RABGEF1: variants seen among roughly 807,000 people sequenced by gnomAD.
RABGEF1 encodes the protein RAB guanine nucleotide exchange factor 1.
A neutral mutation model predicts 57.3 loss-of-function variants in RABGEF1; 26 were observed. That is an observed-to-expected ratio of 0.45 (90% CI 0.33 to 0.63). RABGEF1 has a LOEUF of 0.63. Ranked by LOEUF, RABGEF1 falls within the 20% of genes least tolerant of loss-of-function variation. RABGEF1 has a pLI of 0.02. For synonymous variants in RABGEF1, 185 were observed against 210.7 expected (o/e 0.88, Z 1.06); for missense variants, 464 against 607.6 (o/e 0.76, Z 2.48).
At chr7:66,665,251 CCT>C in the RABGEF1 span, 1 of 152,286 alleles carries the variant, frequency 6.6e-6, no homozygotes, top group East Asian at 1.9e-4. Flanking sequence ...CTCAAGCAAT[CCT>C]CTCACCTCAG....
At chr7:66,806,038 C>G (rs753253950) in intron 8 of RABGEF1, among the ~76,000 whole-genome samples, 3 of 152,056 alleles carry the variant, frequency 2.0e-5, no homozygotes, top group Non-Finnish European at 2.9e-5. Flanking sequence ...AGCCACCACT[C>G]CTGACCTGAA....
At chr7:66,664,015 AGTGAGC>A in the RABGEF1 span, among the ~76,000 whole-genome samples, 1 of 149,358 alleles carries the variant, frequency 6.7e-6, no homozygotes, top group Non-Finnish European at 1.5e-5. Flanking sequence ...TGGAGGTTGC[AGTGAGC>A]CAAGATTGTG....
At chr7:66,722,112 G>C (rs1796117708) in intron 2 of RABGEF1, among the ~76,000 whole-genome samples, 1 of 152,082 alleles carries the variant, frequency 6.6e-6, no homozygotes, top group African/African-American at 2.4e-5. Flanking sequence ...AGCCATGATT[G>C]TTTCACTGCA....
At chr7:66,759,353 C>T (rs1210839866) in intron 1 of RABGEF1, among the ~76,000 whole-genome samples, 1 of 152,200 alleles carries the variant, frequency 6.6e-6, no homozygotes, top group African/African-American at 2.4e-5. Context: ...CGTCTTCTCC[C>T]AGCAGAGTTG....
intron 1 of RABGEF1, chr7:66,748,830 T>C (rs920906336): frequency 5.6e-5 from 11 of 194,828 alleles, no homozygotes; most frequent in Non-Finnish European, 1.2e-4. Flanking sequence ...ATTCGAACTT[T>C]CTGATTAGAC....
chr7:66,683,420 A>T (rs963140890), intron 1 of RABGEF1, among the ~76,000 whole-genome samples: 27 of 152,340 alleles, frequency 1.8e-4, no homozygotes, highest in African/African-American at 6.5e-4. Flanking sequence ...AAGATTAAGA[A>T]ATGTTCAGGA....
intron 5 of RABGEF1, among the ~76,000 whole-genome samples, 169 bp from the exon 6 acceptor site, chr7:66,797,205 G>A (rs1786159050): frequency 6.6e-6 from 1 of 151,278 alleles, no homozygotes; most frequent in African/African-American, 2.4e-5. Flanking sequence ...TTGGGAGGCT[G>A]AGGTAGGAGA....
At chr7:66,772,227 C>T (rs1427322249) in intron 2 of RABGEF1, 149 bp downstream of exon 2, 1 of 552,156 alleles carries the variant, frequency 1.8e-6, no homozygotes, top group Non-Finnish European at 2.9e-6. Context: ...CTCTTCTTCT[C>T]AGTCAGCTTT....
intron 1 of RABGEF1, among the ~76,000 whole-genome samples, chr7:66,741,668 C>G (rs749229566): frequency 6.6e-6 from 1 of 152,236 alleles, no homozygotes; most frequent in East Asian, 1.9e-4. Context: ...GAGCTGCTTT[C>G]CCCCCTCTAA....
At chr7:66,793,811 CT>C (rs1199923660) in intron 4 of RABGEF1, among the ~76,000 whole-genome samples, 1 of 152,178 alleles carries the variant, frequency 6.6e-6, no homozygotes, top group East Asian at 1.9e-4. Flanking sequence ...TCCTGCCATC[CT>C]TTTAGAGTTA....
chr7:66,731,698 C>CA (rs781092514), intron 2 of RABGEF1, among the ~76,000 whole-genome samples: 27 of 152,274 alleles, frequency 1.8e-4, no homozygotes, highest in Non-Finnish European at 2.9e-4. Flanking sequence ...GCCTGGGTGA[C>CA]AGAGAGCGAG....
intron 1 of RABGEF1, among the ~76,000 whole-genome samples, chr7:66,744,594 G>C (rs924740973): frequency 3.3e-5 from 5 of 151,108 alleles, no homozygotes; most frequent in African/African-American, 1.2e-4. Flanking sequence ...CGTGAACCTG[G>C]GAGGTGGAAC....
intron 2 of RABGEF1, among the ~76,000 whole-genome samples, chr7:66,714,437 T>C (rs1413001166): frequency 6.6e-6 from 1 of 152,212 alleles, no homozygotes; most frequent in South Asian, 2.1e-4. Context: ...ATATTGATAA[T>C]TTATGTCTCG....
chr7:66,730,029 A>G (rs1226776925), intron 2 of RABGEF1, among the ~76,000 whole-genome samples: 5 of 152,240 alleles, frequency 3.3e-5, no homozygotes, highest in Admixed American at 3.3e-4. Flanking sequence ...GAAGAGCTGA[A>G]AGCAAAATCA....
upstream of RABGEF1, among the ~76,000 whole-genome samples, chr7:66,738,341 A>AC (rs2129044170): frequency 6.6e-6 from 1 of 151,930 alleles, no homozygotes; most frequent in Non-Finnish European, 1.5e-5. Context: ...CTTAACCTTC[A>AC]CAAAGAAACT....
chr7:66,808,435 C>T (rs919834045), intron 8 of RABGEF1, among the ~76,000 whole-genome samples: 1 of 152,050 alleles, frequency 6.6e-6, no homozygotes, highest in Non-Finnish European at 1.5e-5. Flanking sequence ...AGGCTGGTCT[C>T]AAACTCCTGA....
At position 66,803,888 on chromosome 7, in the gene RABGEF1, CAAAA is replaced by C. The variant is rs761300031; in HGVS notation, c.821-1240_821-1237del. 4.6e-5 allele frequency among the ~76,000 whole-genome samples: 5 copies of C among 108,708 alleles called. No individual in the cohort carries two copies. In the East Asian group the frequency reaches 7.8e-4, roughly 17 times the overall value. The allele number at this position is 108,708 out of a possible 152,430, so 71.3% of individuals were successfully genotyped here. On this transcript the variant is annotated intron_variant, in intron 7 of 8. Coordinates refer to ENST00000284957, the MANE Select transcript of RABGEF1 (RefSeq NM_014504.3). ...GGGGCAACAGAGTGAGATGCTGTCT[CAAAA>C]AAAAAAAAAAAGAAAGAAAGAAATT... is the stretch of plus-strand genomic sequence containing the variant.
rs377363456 is a variant in RABGEF1, at chr7:66,691,799, A to G, written c.-873+9541A>G. Among the ~76,000 whole-genome samples, 54 of 152,274 alleles carry G rather than the reference A, an allele frequency of 3.5e-4. No homozygotes were observed. In the East Asian group the frequency reaches 9.7e-3, roughly 27 times the overall value. ...CTTGGCACCGTGGCTCACACCTGTA[A>G]TCCCAACACTTTGGGAGACTGAGGC... On this transcript the variant is annotated intron_variant and NMD_transcript_variant, in intron 1 of 9. Transcript: ENST00000607882.
At chr7:66,724,268 G>A (rs1186209809) in intron 2 of RABGEF1, among the ~76,000 whole-genome samples, 2 of 151,898 alleles carry the variant, frequency 1.3e-5, no homozygotes, top group Non-Finnish European at 2.9e-5. Flanking sequence ...TTCCTTCTCT[G>A]GCTGCTTTTA....
Sources: gnomAD v4.1 joint callset for allele counts (sites outside exome capture counted in the v4.1 genomes callset) on GRCh38, gnomAD v4.1.1 for gene constraint, MANE v1.5 for transcripts, NCBI Gene and HGNC (gene_info 2026-07-23, HGNC 2026-07-21) for gene names.